LARGE1: variants seen among roughly 807,000 people sequenced by gnomAD.
The protein encoded by LARGE1 is xylosyl- and glucuronyltransferase LARGE1.
LARGE1 carries 43 observed loss-of-function variants against 87.6 expected under a neutral mutation model. The ratio of observed to expected loss-of-function variants is 0.49; its 90% CI spans 0.38 to 0.63. The LOEUF is 0.63. Among genes scored for constraint, LARGE1 ranks in the 30% least tolerant of loss-of-function variants. The probability of loss-of-function intolerance (pLI) is 0.00; values close to 1 mark genes in which losing one functional copy is unlikely to be tolerated. For synonymous variants in LARGE1, 434 were observed against 394.6 expected (o/e 1.10, Z -1.18); for missense variants, 802 against 1,000.2 (o/e 0.80, Z 2.67).
intron 5 of LARGE1, among the ~76,000 whole-genome samples, chr22:33,600,308 C>T (rs1475981): frequency 0.085 from 12,962 of 152,108 alleles, 684 homozygotes; most frequent in African/African-American, 0.14. Context: ...GTTTAGCAAA[C>T]ATCTTTAAAA....
chr22:33,344,160 C>A (rs777222354), intron 9 of LARGE1, among the ~76,000 whole-genome samples: 8 of 152,232 alleles, frequency 5.3e-5, no homozygotes, highest in African/African-American at 1.7e-4. Context: ...AATACCCTCA[C>A]AGACACACCT....
At chr22:33,293,744 G>T (rs1204121084) in intron 12 of LARGE1, among the ~76,000 whole-genome samples, 1 of 152,170 alleles carries the variant, frequency 6.6e-6, no homozygotes, top group Non-Finnish European at 1.5e-5. Context: ...AAAACAAAGA[G>T]TATTATGAGA....
intron 1 of LARGE1, among the ~76,000 whole-genome samples, chr22:33,887,612 C>T (rs1008288014): frequency 2.0e-5 from 3 of 152,012 alleles, no homozygotes; most frequent in African/African-American, 7.2e-5. Context: ...TGGGTGGGTG[C>T]CTGTAATCCC....
intron 3 of LARGE1, among the ~76,000 whole-genome samples, chr22:33,648,452 G>C (rs1011631738): frequency 6.6e-6 from 1 of 151,990 alleles, no homozygotes; most frequent in Non-Finnish European, 1.5e-5. Context: ...GAAAAAATTT[G>C]CTCGTTTTGG....
chr22:33,492,331 G>T (rs1158105368), intron 6 of LARGE1, among the ~76,000 whole-genome samples: 1 of 152,178 alleles, frequency 6.6e-6, no homozygotes, highest in Non-Finnish European at 1.5e-5. Flanking sequence ...CGTCTGCTCT[G>T]TGCACAACAT....
At chr22:33,654,763 C>T (rs1031424480) in intron 2 of LARGE1, among the ~76,000 whole-genome samples, 2 of 152,186 alleles carry the variant, frequency 1.3e-5, no homozygotes, top group African/African-American at 4.8e-5. Flanking sequence ...ATGTAAACAA[C>T]TGTGCCCACA....
chr22:33,618,041 A>T (rs1425977926), intron 4 of LARGE1, among the ~76,000 whole-genome samples: 3 of 152,248 alleles, frequency 2.0e-5, no homozygotes, highest in African/African-American at 7.2e-5. Flanking sequence ...TAATTATTAA[A>T]TTTACAATGC....
chr22:33,476,232 T>G (rs1231315422), intron 6 of LARGE1, among the ~76,000 whole-genome samples: 6 of 152,220 alleles, frequency 3.9e-5, no homozygotes, highest in Admixed American at 3.9e-4. Context: ...AACGCATACC[T>G]GGATTGCTTC....
At chr22:33,348,530 G>A (rs1940035680) in intron 9 of LARGE1, among the ~76,000 whole-genome samples, 1 of 152,118 alleles carries the variant, frequency 6.6e-6, no homozygotes, top group African/African-American at 2.4e-5. Flanking sequence ...CTGGATCATG[G>A]TGTGCCCTGA....
intron 7 of LARGE1, among the ~76,000 whole-genome samples, chr22:33,420,236 T>C (rs2267204): frequency 0.12 from 17,527 of 152,218 alleles, 1,143 homozygotes; most frequent in Admixed American, 0.24. Context: ...ACTTAGTGCC[T>C]AATACAGGCC....
At chr22:33,795,621 C>G (rs547086453) in intron 1 of LARGE1, among the ~76,000 whole-genome samples, 1 of 152,282 alleles carries the variant, frequency 6.6e-6, no homozygotes, top group African/African-American at 2.4e-5. Context: ...AAATGTCCAT[C>G]AATGATAGAC....
At chr22:33,684,424 C>T (rs1441381705) in intron 2 of LARGE1, among the ~76,000 whole-genome samples, 5 of 151,978 alleles carry the variant, frequency 3.3e-5, no homozygotes, top group Admixed American at 6.6e-5. Context: ...GATCTGCCCC[C>T]GAGAAACAAG....
At chr22:33,100,355 A>AC in the LARGE1 span, among the ~76,000 whole-genome samples, 1 of 150,442 alleles carries the variant, frequency 6.6e-6, no homozygotes, top group African/African-American at 2.4e-5. Context: ...ATCTCAAAAA[A>AC]AAAAAAAAAA....
rs1287885941 is a variant in LARGE1 at position 33,743,940 on chromosome 22, C to G, written c.106+17431G>C. 4 of 152,326 alleles carry G rather than the reference C, an allele frequency of 2.6e-5. No homozygotes were observed. The East Asian group carries it at 5.8e-4, about 22-fold the overall frequency. 9.4% of individuals were successfully genotyped at this position (152,326 alleles called of 1,614,324 possible). On this transcript the variant is annotated intron_variant, in intron 2 of 14. Transcript: ENST00000397394. ...ATGAGAAAGTGAGCTCTTTCACATA[C>G]CAGCTGAGTGACCCTGAGCAATCCA...
At chr22:33,496,710 A>C (rs2070139097) in intron 6 of LARGE1, among the ~76,000 whole-genome samples, 1 of 152,172 alleles carries the variant, frequency 6.6e-6, no homozygotes, top group Non-Finnish European at 1.5e-5. Flanking sequence ...AACTTTGTAC[A>C]AATCTATGAA....
At chr22:33,104,808 G>T in the LARGE1 span, among the ~76,000 whole-genome samples, 4 of 152,102 alleles carry the variant, frequency 2.6e-5, no homozygotes, top group Non-Finnish European at 5.9e-5. Context: ...CTTCCCTACA[G>T]TTCCCAGTCT....
At position 33,694,861 on chromosome 22, in the gene LARGE1, G is replaced by A. The variant is rs141065564; in HGVS notation, c.107-44193C>T. On this transcript the variant is annotated intron_variant, in intron 2 of 14. Transcript: ENST00000397394. ...TTGCATGCCAGCACTGACTTTGGGGGCATGAGCAAGGATGAGATTAGAGAA... is the reference window on the plus strand; with the variant it reads ...TTGCATGCCAGCACTGACTTTGGGGACATGAGCAAGGATGAGATTAGAGAA... 5.3e-3 allele frequency among the ~76,000 whole-genome samples: 801 copies of A among 152,196 alleles called. 5 individuals carry two copies. The highest frequency in any genetic ancestry group is 0.018 in the African/African-American group (747 of 41,516).
chr22:33,370,074 G>C (rs895173157), intron 9 of LARGE1, among the ~76,000 whole-genome samples: 7 of 152,154 alleles, frequency 4.6e-5, no homozygotes, highest in Admixed American at 3.9e-4. Context: ...TAGGATGCTA[G>C]AGCAGTTAAC....
At chr22:33,152,560 T>A in the LARGE1 span, among the ~76,000 whole-genome samples, 5 of 152,192 alleles carry the variant, frequency 3.3e-5, no homozygotes, top group Non-Finnish European at 7.3e-5. Flanking sequence ...TTGGATTTTT[T>A]ATTTTTATTA....
Sources: gnomAD v4.1 joint callset for allele counts (sites outside exome capture counted in the v4.1 genomes callset) on GRCh38, gnomAD v4.1.1 for gene constraint, MANE v1.5 for transcripts, NCBI Gene and HGNC (gene_info 2026-07-23, HGNC 2026-07-21) for gene names.